Variants in PKHD1 observed in about 807,000 individuals in gnomAD.
PKHD1 encodes fibrocystin.
Under a neutral mutation model 412.0 loss-of-function variants are expected in PKHD1, and 291 were observed. The observed-to-expected ratio is 0.71, with a 90% CI of 0.64 to 0.78. The LOEUF is 0.78. Ranked by LOEUF, PKHD1 falls within the 30% of genes least tolerant of loss-of-function variation. The pLI, the probability that PKHD1 is intolerant of heterozygous loss-of-function variation, is 0.00. For missense variants in PKHD1, 4,825 were observed against 4,950.7 expected (o/e 0.97, Z 0.76); for synonymous variants, 1,777 against 1,821.5 (o/e 0.98, Z 0.62).
rs1807322592 is a variant in PKHD1, at chr6:52,054,121, C to T, written c.1881G>A (p.Met627Ile). 1.2e-6 allele frequency: 2 copies of T among 1,613,648 alleles called. 1 individual carries two copies. The highest frequency in any genetic ancestry group is 3.3e-5 in the Admixed American group (2 of 60,006). ...GAAAGCCGATTGTGAAGGACACAATCATCTTCAGGATCTTGTTCATGTGGC... is the reference window on the plus strand; with the variant it reads ...GAAAGCCGATTGTGAAGGACACAATTATCTTCAGGATCTTGTTCATGTGGC... ...YKGHMNKILK[M>I]IVSFTIGFQN... Residue 627 changes from methionine to isoleucine, a missense_variant, in exon 20 of 67, where the codon ATG becomes ATA. By Grantham distance (10) the Met-to-Ile change is conservative. Transcript: ENST00000371117.
At chr6:51,845,923 T>C (rs551753651) in intron 50 of PKHD1, among the ~76,000 whole-genome samples, 1 of 152,184 alleles carries the variant, frequency 6.6e-6, no homozygotes, top group Non-Finnish European at 1.5e-5. Flanking sequence ...CAAGACAGCC[T>C]CTTCAGAAGC....
intron 41 of PKHD1, among the ~76,000 whole-genome samples, chr6:51,904,885 A>C (rs889060014): frequency 4.6e-5 from 7 of 152,222 alleles, no homozygotes; most frequent in Non-Finnish European, 1.0e-4. Context: ...AGGAACAAAC[A>C]AAGTCAATCC....
At chr6:51,772,253 A>T (rs1448691029) in intron 55 of PKHD1, among the ~76,000 whole-genome samples, 1 of 152,012 alleles carries the variant, frequency 6.6e-6, no homozygotes, top group Non-Finnish European at 1.5e-5. Context: ...TCTTTGAGGA[A>T]GCAATGACTC....
At chr6:51,719,137 T>G (rs1419709017) in intron 60 of PKHD1, among the ~76,000 whole-genome samples, 1 of 152,174 alleles carries the variant, frequency 6.6e-6, no homozygotes, top group Non-Finnish European at 1.5e-5. Context: ...GAATATCAAC[T>G]ATTAAAGCTT....
intron 41 of PKHD1, among the ~76,000 whole-genome samples, chr6:51,904,373 C>A (rs1781750817): frequency 6.6e-6 from 1 of 152,188 alleles, no homozygotes. Flanking sequence ...CTGCTATCTG[C>A]ATGCCCTCAC....
intron 63 of PKHD1, among the ~76,000 whole-genome samples, chr6:51,644,839 C>T (rs545811466): frequency 6.6e-6 from 1 of 152,248 alleles, no homozygotes; most frequent in East Asian, 1.9e-4. Flanking sequence ...GCCATCATGT[C>T]TACCTAATTT....
chr6:51,731,562 C>A (rs183788206), intron 60 of PKHD1, among the ~76,000 whole-genome samples: 1 of 152,184 alleles, frequency 6.6e-6, no homozygotes, highest in Non-Finnish European at 1.5e-5. Flanking sequence ...GAATTATATG[C>A]CCAGGATCAA....
Position 51,710,920 on chromosome 6 carries a change from T to C in PKHD1, c.10156+33465A>G, listed in dbSNP as rs569245158. Among the ~76,000 whole-genome samples the C allele has an allele frequency of 2.6e-5, 4 of 152,288 alleles. No individual in the cohort carries two copies. The South Asian group carries it at 8.3e-4, about 32-fold the overall frequency. ...TTGACTATGAACAACAATACTATCATAACCATTTCCTTAGGAGGCTGTATC... is the reference window on the plus strand; with the variant it reads ...TTGACTATGAACAACAATACTATCACAACCATTTCCTTAGGAGGCTGTATC... On this transcript the variant is annotated intron_variant, in intron 60 of 66. Coordinates refer to ENST00000371117, the MANE Select transcript of PKHD1 (RefSeq NM_138694.4).
chr6:52,071,454 C>T (rs1322548842), intron 8 of PKHD1, among the ~76,000 whole-genome samples: 1 of 151,764 alleles, frequency 6.6e-6, no homozygotes, highest in Non-Finnish European at 1.5e-5. Context: ...AGACTACACA[C>T]AAGGGCAGAA....
intron 35 of PKHD1, among the ~76,000 whole-genome samples, chr6:51,979,539 C>T (rs1355172643): frequency 1.3e-5 from 2 of 151,754 alleles, no homozygotes; most frequent in Non-Finnish European, 2.9e-5. Context: ...CTCTGTCTTT[C>T]TCCCTCTCTC....
At chr6:51,633,863 A>G (rs972312072) in intron 64 of PKHD1, among the ~76,000 whole-genome samples, 2 of 152,182 alleles carry the variant, frequency 1.3e-5, no homozygotes, top group Admixed American at 1.3e-4. Context: ...ACATACAAAA[A>G]TGTCAATTTT....
intron 37 of PKHD1, among the ~76,000 whole-genome samples, chr6:51,918,284 G>T (rs982442324): frequency 6.6e-6 from 1 of 151,984 alleles, no homozygotes; most frequent in East Asian, 1.9e-4. Context: ...GTGCCATGGT[G>T]GTTTGCTGCA....
chr6:51,674,590 C>G (rs2150524236), intron 60 of PKHD1, among the ~76,000 whole-genome samples: 1 of 152,234 alleles, frequency 6.6e-6, no homozygotes. Context: ...AGAAAAAAAG[C>G]ATATTTCTAA....
At chr6:51,690,510 C>T (rs991886215) in intron 60 of PKHD1, among the ~76,000 whole-genome samples, 6 of 151,988 alleles carry the variant, frequency 3.9e-5, no homozygotes, top group Non-Finnish European at 7.4e-5. Flanking sequence ...GAAATAAGAC[C>T]ACACACCTAC....
Position 51,961,372 on chromosome 6 carries a change from A to G in PKHD1, c.5752-1346T>C, listed in dbSNP as rs561541805. 4.6e-5 allele frequency among the ~76,000 whole-genome samples: 7 copies of G among 152,294 alleles called. No homozygotes were observed. In the South Asian group the frequency reaches 1.4e-3, roughly 32 times the overall value. On this transcript the variant is annotated intron_variant, in intron 35 of 66. Coordinates refer to ENST00000371117, the MANE Select transcript of PKHD1 (RefSeq NM_138694.4). The stretch of plus-strand genomic sequence containing the variant: ...CAATTTATTCGTTTTCTACATCTGC[A>G]AAGAAGTAAAAGTCTATGACTCATC...
intron 34 of PKHD1, among the ~76,000 whole-genome samples, chr6:52,011,477 C>G (rs1581732926): frequency 6.6e-6 from 1 of 152,146 alleles, no homozygotes. Context: ...ACGGTAGCTC[C>G]GAGGTCAAAA....
intron 15 of PKHD1, 112 bp from the exon 16 acceptor site, chr6:52,058,713 CT>C: frequency 9.1e-7 from 1 of 1,098,202 alleles, no homozygotes. Context: ...ACTGGTCTGC[CT>C]TTTTAACATA....
intron 60 of PKHD1, among the ~76,000 whole-genome samples, chr6:51,741,637 A>T (rs967352695): frequency 6.6e-6 from 1 of 152,150 alleles, no homozygotes; most frequent in African/African-American, 2.4e-5. Context: ...GCAGTTCCCT[A>T]TCAGACTTGA....
intron 36 of PKHD1, among the ~76,000 whole-genome samples, chr6:51,954,359 C>T (rs1391525400): frequency 6.6e-6 from 1 of 152,086 alleles, no homozygotes; most frequent in Non-Finnish European, 1.5e-5. Flanking sequence ...AGAAGGTCTG[C>T]AACTTGCCCA....
Sources: allele counts gnomAD v4.1 joint callset (sites outside exome capture counted in the v4.1 genomes callset), GRCh38; gene constraint gnomAD v4.1.1; transcripts MANE v1.5; gene names NCBI Gene and HGNC (gene_info 2026-07-23, HGNC 2026-07-21).